The following TLN2 variants were observed in gnomAD, a reference collection of about 807,000 sequenced individuals.
TLN2 encodes talin 2, also known as talin-2.
A neutral mutation model predicts 294.7 loss-of-function variants in TLN2; 118 were observed. That is an observed-to-expected ratio of 0.40 (90% CI 0.34 to 0.47). TLN2 has a LOEUF of 0.47. Ranked by LOEUF, TLN2 falls within the 20% of genes least tolerant of loss-of-function variation. The pLI is 0.84. For missense variants in TLN2, 3,083 were observed against 3,282.2 expected, an observed-to-expected ratio of 0.94 and a Z score of 1.48; for synonymous variants, 1,431 against 1,304.5, an observed-to-expected ratio of 1.10 and a Z score of -2.09.
intron 1 of TLN2, among the ~76,000 whole-genome samples, chr15:62,431,817 T>G (rs975615733): frequency 7.2e-5 from 11 of 152,236 alleles, no homozygotes; most frequent in African/African-American, 2.4e-4. Context: ...CATGTATATT[T>G]AATTCTATGC....
chr15:62,390,802 C>T (rs1174367987), intron 1 of TLN2, 117 bp downstream of exon 1: 3 of 152,182 alleles, frequency 2.0e-5, no homozygotes, highest in South Asian at 4.1e-4. Flanking sequence ...TTTTTTTCCT[C>T]CCTTTTGCTT....
At chr15:62,483,602 C>T (rs2038226591) in intron 1 of TLN2, among the ~76,000 whole-genome samples, 1 of 152,190 alleles carries the variant, frequency 6.6e-6, no homozygotes, top group Admixed American at 6.6e-5. Context: ...TGACTTCCTT[C>T]CTCTGGAATT....
chr15:62,572,601 G>T (rs918837986), intron 1 of TLN2, among the ~76,000 whole-genome samples: 7 of 152,158 alleles, frequency 4.6e-5, no homozygotes, highest in Admixed American at 3.3e-4. Context: ...GCCAGTATCT[G>T]GCACCAGCCT....
chr15:62,674,048 T>C (rs2055827630), intron 10 of TLN2, among the ~76,000 whole-genome samples, 158 bp downstream of exon 10: 1 of 152,204 alleles, frequency 6.6e-6, no homozygotes, highest in Non-Finnish European at 1.5e-5. Context: ...ACAGTCCTAC[T>C]TTGGGCAGAT....
chr15:62,790,946 T>A (rs1475379979), intron 45 of TLN2, among the ~76,000 whole-genome samples: 1 of 152,098 alleles, frequency 6.6e-6, no homozygotes, highest in Non-Finnish European at 1.5e-5. Flanking sequence ...TGCATGGAGG[T>A]AGTCAACAAG....
chr15:62,653,867 A>G (rs1051464836), intron 7 of TLN2, among the ~76,000 whole-genome samples: 2 of 152,210 alleles, frequency 1.3e-5, no homozygotes, highest in Admixed American at 6.5e-5. Flanking sequence ...AATAGTGTGA[A>G]CTGGGATCCA....
At chr15:62,638,675 G>T (rs888656428) in intron 3 of TLN2, 5 of 454,802 alleles carry the variant, frequency 1.1e-5, no homozygotes, top group Admixed American at 9.4e-5. Context: ...ATTCCATGTT[G>T]TGGGCACTCT....
Position 62,675,302 on chromosome 15 carries a change from T to G in TLN2, c.938T>G (p.Val313Gly). The change falls in exon 11 of 59, where the codon GTG (valine) becomes GGG (glycine). Residue 313 changes from valine to glycine, a missense_variant. By Grantham distance (109) the Val-to-Gly change is moderately radical. Coordinates refer to ENST00000636159, the MANE Select transcript of TLN2 (RefSeq NM_015059.3). ...KLARSLRTYG[V>G]SFFLVKEKMK... Reference sequence around the variant, plus strand: ...GCACGGTCCCTCCGCACATATGGCGTGTCCTTCTTCCTGGTGAAGGTGAGT... The same window carrying G: ...GCACGGTCCCTCCGCACATATGGCGGGTCCTTCTTCCTGGTGAAGGTGAGT... 1.2e-6 allele frequency: 2 copies of G among 1,614,224 alleles called. No individual in the cohort carries two copies. Among genetic ancestry groups the G allele is most frequent in the Middle Eastern group, 1.6e-4 (1 of 6,062 alleles).
At chr15:62,461,767 T>C (rs540204475) in intron 1 of TLN2, among the ~76,000 whole-genome samples, 1 of 152,164 alleles carries the variant, frequency 6.6e-6, no homozygotes, top group Non-Finnish European at 1.5e-5. Context: ...GCCTACTCCA[T>C]GCGAGGGGAA....
At chr15:62,495,958 A>C (rs543566176) in intron 1 of TLN2, among the ~76,000 whole-genome samples, 38 of 152,042 alleles carry the variant, frequency 2.5e-4, no homozygotes, top group Non-Finnish European at 4.3e-4. Context: ...AAAAAAAAAA[A>C]CAAAAACCAA....
chr15:62,460,268 T>TC (rs2036722465), intron 1 of TLN2, among the ~76,000 whole-genome samples: 1 of 151,818 alleles, frequency 6.6e-6, no homozygotes, highest in African/African-American at 2.4e-5. Flanking sequence ...TGGTTTTTTT[T>TC]TTTTTTTTTC....
intron 1 of TLN2, among the ~76,000 whole-genome samples, chr15:62,444,731 G>A (rs920156042): frequency 6.6e-6 from 1 of 152,220 alleles, no homozygotes; most frequent in Non-Finnish European, 1.5e-5. Flanking sequence ...GAAAAAGGCA[G>A]CAAGGCAACT....
chr15:62,811,716 T>A (rs2066692299), intron 52 of TLN2, among the ~76,000 whole-genome samples: 1 of 152,110 alleles, frequency 6.6e-6, no homozygotes, highest in Non-Finnish European at 1.5e-5. Context: ...ATTTGCTGAA[T>A]GCCTTATTAA....
chr15:62,803,342 G>C (rs959070570), intron 50 of TLN2, among the ~76,000 whole-genome samples: 1 of 152,108 alleles, frequency 6.6e-6, no homozygotes, highest in African/African-American at 2.4e-5. Context: ...TAACCTTCTT[G>C]TACTTGGATA....
At chr15:62,558,074 T>G (rs1280252631) in intron 1 of TLN2, among the ~76,000 whole-genome samples, 1 of 152,210 alleles carries the variant, frequency 6.6e-6, no homozygotes, top group Non-Finnish European at 1.5e-5. Flanking sequence ...TGGAATTATA[T>G]CTGAAGAAAA....
At chr15:62,658,180 A>AG in intron 9 of TLN2, 1 of 138,802 alleles carries the variant, frequency 7.2e-6, no homozygotes, top group Non-Finnish European at 1.4e-5. Context: ...AGTAAAAAAA[A>AG]AAACCAAAAA....
intron 1 of TLN2, among the ~76,000 whole-genome samples, chr15:62,441,888 C>G (rs893713751): frequency 1.3e-5 from 2 of 152,134 alleles, no homozygotes; most frequent in Admixed American, 6.5e-5. Flanking sequence ...GGTGTGCCCC[C>G]CTAGAGGGCA....
chr15:62,393,190 C>A lies in TLN2; in HGVS notation c.-238+2505C>A, dbSNP rs551241461. ...TTCATATTGGGGAAGCCACTGGTTT[C>A]TCTCTGCCTTTGTAACCATTTAAGT... On this transcript the variant is annotated intron_variant, in intron 1 of 58. Transcript: ENST00000636159. Among the ~76,000 whole-genome samples, 7 of 152,302 alleles carry A rather than the reference C, an allele frequency of 4.6e-5. No individual in the cohort carries two copies. In the South Asian group the frequency reaches 1.2e-3, roughly 27 times the overall value.
chr15:62,631,276 T>C (rs1032623567), intron 3 of TLN2, among the ~76,000 whole-genome samples: 1 of 152,116 alleles, frequency 6.6e-6, no homozygotes, highest in Admixed American at 6.5e-5. Flanking sequence ...TACTGTTGTA[T>C]TGGGGATTAA....
Sources: gnomAD v4.1 joint callset for allele counts (sites outside exome capture counted in the v4.1 genomes callset) on GRCh38, gnomAD v4.1.1 for gene constraint, MANE v1.5 for transcripts, NCBI Gene and HGNC (gene_info 2026-07-23, HGNC 2026-07-21) for gene names.